ATXN7L1: variants seen among roughly 807,000 people sequenced by gnomAD.
ATXN7L1 encodes the protein ataxin 7 like 1.
In ATXN7L1, 15 loss-of-function variants were observed where a neutral mutation model predicts 70.8. The ratio of observed to expected loss-of-function variants is 0.21; its 90% CI spans 0.14 to 0.33. ATXN7L1 has a LOEUF of 0.33. Ranked by LOEUF, ATXN7L1 falls within the 10% of genes least tolerant of loss-of-function variation. The probability of loss-of-function intolerance (pLI) is 1.00; values close to 1 mark genes in which losing one functional copy is unlikely to be tolerated. For synonymous variants in ATXN7L1, 440 were observed against 445.1 expected, an observed-to-expected ratio of 0.99 and a Z score of 0.14; for missense variants, 975 against 1,097.1, an observed-to-expected ratio of 0.89 and a Z score of 1.57.
chr7:105,742,994 G>C (rs756635299), intron 3 of ATXN7L1, among the ~76,000 whole-genome samples: 1 of 152,104 alleles, frequency 6.6e-6, no homozygotes, highest in Non-Finnish European at 1.5e-5. Flanking sequence ...AAATCAGGAA[G>C]TGATTCTTTG....
intron 2 of ATXN7L1, among the ~76,000 whole-genome samples, chr7:105,792,054 T>C (rs1211794394): frequency 6.6e-6 from 1 of 152,142 alleles, no homozygotes; most frequent in East Asian, 1.9e-4. Flanking sequence ...TGACGCCCCA[T>C]TCTTCTGTAT....
At chr7:105,864,139 G>A (rs530139605) in intron 2 of ATXN7L1, among the ~76,000 whole-genome samples, 19 of 152,076 alleles carry the variant, frequency 1.2e-4, no homozygotes, top group Non-Finnish European at 2.5e-4. Flanking sequence ...AAACAACAGA[G>A]CCACCTGAGG....
chr7:105,876,170 CACAG>C (rs761355840), intron 1 of ATXN7L1, among the ~76,000 whole-genome samples: 42 of 152,060 alleles, frequency 2.8e-4, no homozygotes, highest in Non-Finnish European at 4.9e-4. Flanking sequence ...GGGAGCCGGG[CACAG>C]ACAGACAGAC....
At chr7:105,820,181 C>T (rs1486244829) in intron 2 of ATXN7L1, 1 of 276,320 alleles carries the variant, frequency 3.6e-6, no homozygotes, top group East Asian at 9.5e-5. Context: ...AGATGTCCTT[C>T]ACCCCATCTG....
intron 3 of ATXN7L1, among the ~76,000 whole-genome samples, chr7:105,753,898 T>C (rs1799480391): frequency 6.6e-6 from 1 of 152,200 alleles, no homozygotes; most frequent in African/African-American, 2.4e-5. Context: ...TCTGCATTAG[T>C]GCCTGGGACA....
At chr7:105,716,261 A>G (rs1296746833) in intron 3 of ATXN7L1, among the ~76,000 whole-genome samples, 1 of 152,176 alleles carries the variant, frequency 6.6e-6, no homozygotes, top group Non-Finnish European at 1.5e-5. Context: ...TATATAAATG[A>G]AAATCCCACT....
intron 2 of ATXN7L1, chr7:105,819,726 A>G: frequency 1.2e-6 from 1 of 816,840 alleles, no homozygotes; most frequent in Admixed American, 1.8e-5. Context: ...CTCTAGCCGC[A>G]CCTTCCGGCT....
chr7:105,630,383 T>C (rs1796405787), intron 7 of ATXN7L1, among the ~76,000 whole-genome samples: 1 of 152,330 alleles, frequency 6.6e-6, no homozygotes, highest in Non-Finnish European at 1.5e-5. Flanking sequence ...AACATCCATT[T>C]AACTCCTAAA....
rs1366760229 is a variant in ATXN7L1, at chr7:105,782,739, A to G, written c.355+5865T>C. On this transcript the variant is annotated intron_variant, in intron 3 of 11. Coordinates refer to ENST00000419735, the MANE Select transcript of ATXN7L1 (RefSeq NM_020725.2). ...GAGCTGCCATAGGGGCCTAATGTGA[A>G]TGTAAACCAATATTTGCAAAGCCAA... is the stretch of plus-strand genomic sequence containing the variant. 3.9e-5 allele frequency among the ~76,000 whole-genome samples: 6 copies of G among 152,360 alleles called. No individual in the cohort carries two copies. In the East Asian group the frequency reaches 1.2e-3, roughly 29 times the overall value.
chr7:105,745,593 G>C (rs1342654710), intron 3 of ATXN7L1, among the ~76,000 whole-genome samples: 1 of 152,190 alleles, frequency 6.6e-6, no homozygotes, highest in Non-Finnish European at 1.5e-5. Flanking sequence ...TTCCCGAGCT[G>C]CCCTGTGTTC....
chr7:105,786,970 C>T (rs1200352786), intron 3 of ATXN7L1, among the ~76,000 whole-genome samples: 1 of 152,226 alleles, frequency 6.6e-6, no homozygotes, highest in African/African-American at 2.4e-5. Context: ...GGTCACGGAG[C>T]TTCTATGCCT....
intron 3 of ATXN7L1, among the ~76,000 whole-genome samples, chr7:105,727,602 G>C (rs1430412534): frequency 2.0e-5 from 3 of 147,876 alleles, no homozygotes; most frequent in African/African-American, 7.5e-5. Flanking sequence ...CCTGGAGGCA[G>C]AGGTTGCAGT....
chr7:105,704,361 G>A (rs868469842), intron 3 of ATXN7L1, among the ~76,000 whole-genome samples: 9 of 152,242 alleles, frequency 5.9e-5, no homozygotes, highest in Middle Eastern at 3.4e-3. Context: ...CTTATTAACT[G>A]TAATCTGTGA....
intron 3 of ATXN7L1, among the ~76,000 whole-genome samples, chr7:105,722,021 C>T (rs554472920): frequency 3.9e-5 from 6 of 152,308 alleles, no homozygotes; most frequent in South Asian, 4.1e-4. Flanking sequence ...TGTGTGTATG[C>T]GCACACATAG....
chr7:105,704,042 A>G (rs1245178575), intron 3 of ATXN7L1, among the ~76,000 whole-genome samples: 1 of 152,170 alleles, frequency 6.6e-6, no homozygotes, highest in East Asian at 1.9e-4. Context: ...CACCACATCT[A>G]TCTTTTACAA....
In ATXN7L1 at chr7:105,803,950, T is replaced by A. The variant is rs189005358; in HGVS notation, c.251-15242A>T. Among the ~76,000 whole-genome samples the A allele has an allele frequency of 4.1e-4, 63 of 152,214 alleles. 1 individual carries two copies. The East Asian group carries it at 0.012, about 29-fold the overall frequency. ...GGCTAAGTGGTCCAGGAAGGAACCCTCCACAGGTAAGGGACTGAGAGCTGT... is the reference window on the plus strand; with the variant it reads ...GGCTAAGTGGTCCAGGAAGGAACCCACCACAGGTAAGGGACTGAGAGCTGT... On this transcript the variant is annotated intron_variant, in intron 2 of 11. Coordinates refer to ENST00000419735, the MANE Select transcript of ATXN7L1 (RefSeq NM_020725.2).
chr7:105,619,400 C>T (rs1319551421), intron 9 of ATXN7L1, among the ~76,000 whole-genome samples: 1 of 145,028 alleles, frequency 6.9e-6, no homozygotes, highest in Non-Finnish European at 1.5e-5. Flanking sequence ...CCGCTCGCCT[C>T]AGCCTCACAA....
intron 2 of ATXN7L1, among the ~76,000 whole-genome samples, chr7:105,858,008 G>C (rs549682875): frequency 6.6e-6 from 1 of 152,186 alleles, no homozygotes; most frequent in Non-Finnish European, 1.5e-5. Flanking sequence ...GAGGCAGGAG[G>C]ATTGCTTAGG....
chr7:105,804,996 G>A (rs1250032598), intron 2 of ATXN7L1, among the ~76,000 whole-genome samples: 4 of 152,186 alleles, frequency 2.6e-5, no homozygotes, highest in African/African-American at 7.2e-5. Flanking sequence ...CACCCGTGGC[G>A]TAGCATTTAC....
Sources: gnomAD v4.1 joint callset for allele counts (sites outside exome capture counted in the v4.1 genomes callset) on GRCh38, gnomAD v4.1.1 for gene constraint, MANE v1.5 for transcripts, NCBI Gene and HGNC (gene_info 2026-07-23, HGNC 2026-07-21) for gene names.